The following SEMA6D variants were observed in gnomAD, a reference collection of about 807,000 sequenced individuals.
SEMA6D encodes the protein semaphorin 6D.
Under a neutral mutation model 106.6 loss-of-function variants are expected in SEMA6D, and 35 were observed. The ratio of observed to expected loss-of-function variants is 0.33; its 90% CI spans 0.25 to 0.44. The LOEUF (loss-of-function observed/expected upper bound fraction) is 0.44. SEMA6D is among the 20% of genes least tolerant of loss of function. SEMA6D has a pLI of 1.00. For missense variants in SEMA6D, 1,185 were observed against 1,345.9 expected, an observed-to-expected ratio of 0.88 and a Z score of 1.87; for synonymous variants, 499 against 487.7, an observed-to-expected ratio of 1.02 and a Z score of -0.31.
At chr15:47,608,940 A>G (rs993895619) in intron 4 of SEMA6D, among the ~76,000 whole-genome samples, 4 of 152,078 alleles carry the variant, frequency 2.6e-5, no homozygotes, top group Non-Finnish European at 5.9e-5. Context: ...ATTACGGAAC[A>G]CTCTGCTTTT....
intron 1 of SEMA6D, among the ~76,000 whole-genome samples, chr15:47,744,502 C>G (rs1475419619): frequency 6.6e-6 from 1 of 152,092 alleles, no homozygotes; most frequent in Non-Finnish European, 1.5e-5. Context: ...CACCTCACCC[C>G]TGGGTGAGGT....
chr15:47,755,843 AATATAAATATAACAATATATT>A (rs1343543478), intron 1 of SEMA6D, among the ~76,000 whole-genome samples: 6 of 148,540 alleles, frequency 4.0e-5, no homozygotes, highest in Non-Finnish European at 8.9e-5. Context: ...AACAATATAT[AATATAAATATAACAATATATT>A]ATGTATAATA....
At chr15:47,683,903 T>A (rs576197993) in intron 4 of SEMA6D, among the ~76,000 whole-genome samples, 7 of 152,320 alleles carry the variant, frequency 4.6e-5, no homozygotes, top group Admixed American at 3.9e-4. Flanking sequence ...AACATACGTT[T>A]AGTGACCCTC....
chr15:47,321,394 C>A (rs2036916383), intron 1 of SEMA6D, among the ~76,000 whole-genome samples: 1 of 152,096 alleles, frequency 6.6e-6, no homozygotes, highest in Non-Finnish European at 1.5e-5. Flanking sequence ...CATTGGCCAT[C>A]CTTTATCAAT....
chr15:47,363,163 C>T (rs2038876801), intron 1 of SEMA6D, among the ~76,000 whole-genome samples: 1 of 152,140 alleles, frequency 6.6e-6, no homozygotes, highest in African/African-American at 2.4e-5. Flanking sequence ...ATATTATTCT[C>T]TTTTACAAAT....
In SEMA6D at chr15:47,767,045, C is replaced by A; in HGVS notation, c.1717C>A (p.Pro573Thr). 1 of 1,550,634 alleles carries A rather than the reference C, an allele frequency of 6.4e-7. No homozygotes were observed. The highest frequency in any genetic ancestry group is 8.7e-7 in the Non-Finnish European group (1 of 1,148,568). ...AHLGDCHEILPTSTTPDYKIF... is the reference protein window; with the variant it reads ...AHLGDCHEILTTSTTPDYKIF... ...TCCTTTAATTCTTTTAGAAATTTTG[C>A]CTACTTCAACTACACCAGATTACAA... Residue 573 changes from proline to threonine, a missense_variant, in exon 17 of 19, where the codon CCT (proline) becomes ACT (threonine). Physicochemically the swap from Pro to Thr is conservative, Grantham distance 38. This residue lies in a region of SEMA6D where 750 missense variants were observed against 783.5 expected (regional missense o/e 0.96). Coordinates refer to ENST00000536845, the MANE Select transcript of SEMA6D (RefSeq NM_001358351.3).
At chr15:47,639,054 ACT>A (rs1342057493) in intron 4 of SEMA6D, among the ~76,000 whole-genome samples, 14 of 152,008 alleles carry the variant, frequency 9.2e-5, no homozygotes, top group Admixed American at 7.9e-4. Flanking sequence ...GAGGACACAG[ACT>A]CTGCTCACGT....
chr15:47,764,362 A>C (rs2082222639), intron 11 of SEMA6D, 57 bp downstream of exon 11: 3 of 1,573,244 alleles, frequency 1.9e-6, no homozygotes, highest in African/African-American at 1.4e-5. Flanking sequence ...GGTCATTGGA[A>C]GCATCCCTCC....
intron 3 of SEMA6D, among the ~76,000 whole-genome samples, chr15:47,520,362 G>A (rs1283092462): frequency 6.6e-6 from 1 of 152,240 alleles, no homozygotes; most frequent in African/African-American, 2.4e-5. Context: ...GTGAGGAATA[G>A]GAATCAGGTC....
At chr15:47,316,110 T>TTTTTTTTTTTTTTTTTA (rs2036664918) in intron 1 of SEMA6D, among the ~76,000 whole-genome samples, 1 of 141,152 alleles carries the variant, frequency 7.1e-6, no homozygotes, top group African/African-American at 2.8e-5. Context: ...TCCTTTTTTT[T>TTTTTTTTTTTTTTTTTA]GAGACAGAAT....
intron 3 of SEMA6D, among the ~76,000 whole-genome samples, chr15:47,497,661 C>T (rs978744157): frequency 1.1e-4 from 16 of 152,062 alleles, no homozygotes; most frequent in African/African-American, 3.9e-4. Context: ...ATTTCCTTCC[C>T]GATGCACCTT....
intron 3 of SEMA6D, among the ~76,000 whole-genome samples, chr15:47,497,877 G>C (rs556108278): frequency 6.6e-6 from 1 of 152,088 alleles, no homozygotes; most frequent in South Asian, 2.1e-4. Context: ...CTTCTAGTCA[G>C]TTTCCAGTAG....
intron 4 of SEMA6D, among the ~76,000 whole-genome samples, chr15:47,614,408 AAACTCCTTCTTTAAGTTGAC>A (rs1397928341): frequency 5.3e-5 from 8 of 152,174 alleles, no homozygotes; most frequent in Admixed American, 1.3e-4. Flanking sequence ...ATCAAGTGCC[AAACTCCTTCTTTAAGTTGAC>A]AACCCTCATT....
chr15:47,584,140 A>G (rs1456993795), intron 3 of SEMA6D, among the ~76,000 whole-genome samples: 2 of 152,176 alleles, frequency 1.3e-5, no homozygotes, highest in African/African-American at 2.4e-5. Flanking sequence ...TTCATGTGTA[A>G]TGTGCTGAAT....
intron 3 of SEMA6D, among the ~76,000 whole-genome samples, chr15:47,552,803 TAA>T (rs1396768597): frequency 3.1e-5 from 1 of 32,594 alleles, no homozygotes; most frequent in Non-Finnish European, 4.7e-5. Flanking sequence ...TATATATATA[TAA>T]AAATATATAT....
intron 1 of SEMA6D, among the ~76,000 whole-genome samples, chr15:47,306,972 A>AT (rs2036258093): frequency 6.6e-6 from 1 of 152,232 alleles, no homozygotes; most frequent in Non-Finnish European, 1.5e-5. Context: ...GTATTTTAGT[A>AT]TTTAAGTACA....
Position 47,763,873 on chromosome 15 carries a change from C to T in SEMA6D, c.771C>T (p.Arg257=), listed in dbSNP as rs1463215903. 6.2e-7 allele frequency: 1 copy of T among 1,613,380 alleles called. No homozygotes were observed. Among genetic ancestry groups the T allele is most frequent in the Non-Finnish European group, 8.5e-7 (1 of 1,179,826 alleles). The change falls in exon 10 of 19, where the codon CGC becomes CGT. Residue 257 remains arginine, a synonymous_variant. Transcript: ENST00000536845. ...LGKAVYSRVA[R]ICKNDMGGSQ... is the part of the protein sequence containing the mutation. The stretch of plus-strand genomic sequence containing the variant: ...AGGCTGTGTATTCCCGCGTGGCCCG[C>T]ATATGTAAAAACGACATGGGTGGTT...
chr15:47,710,503 T>C (rs16959955), intron 4 of SEMA6D, among the ~76,000 whole-genome samples: 28,997 of 152,106 alleles, frequency 0.19, 3,392 homozygotes, highest in Non-Finnish European at 0.25. Context: ...TGTGGTAGTT[T>C]ATGAACATAA....
chr15:47,580,031 T>C (rs2076228244), intron 3 of SEMA6D, among the ~76,000 whole-genome samples: 1 of 152,238 alleles, frequency 6.6e-6, no homozygotes, highest in Non-Finnish European at 1.5e-5. Context: ...AAAATTTCTC[T>C]GAAATTTAAA....
Sources: allele counts gnomAD v4.1 joint callset (sites outside exome capture counted in the v4.1 genomes callset), GRCh38; gene constraint gnomAD v4.1.1; regional missense constraint gnomAD v4.1.1; transcripts MANE v1.5; gene names NCBI Gene and HGNC (gene_info 2026-07-23, HGNC 2026-07-21).